Variants in WDTC1 observed in about 807,000 individuals in gnomAD.
WDTC1 encodes WD and tetratricopeptide repeats 1.
In WDTC1, 12 loss-of-function variants were observed where a neutral mutation model predicts 76.0. The observed-to-expected ratio is 0.16, with a 90% CI of 0.10 to 0.26. The LOEUF (loss-of-function observed/expected upper bound fraction) is 0.26. Ranked by LOEUF, WDTC1 falls within the 10% of genes least tolerant of loss-of-function variation. WDTC1 has a pLI of 1.00. For synonymous variants in WDTC1, 326 were observed against 350.8 expected (o/e 0.93, Z 0.79); for missense variants, 511 against 908.8 (o/e 0.56, Z 5.63).
chr1:27,298,547 T>C (rs924807901), intron 12 of WDTC1, among the ~76,000 whole-genome samples: 2 of 152,176 alleles, frequency 1.3e-5, no homozygotes, highest in Admixed American at 6.5e-5. Flanking sequence ...CTTGCCCCTC[T>C]AAGGCTTGCT....
intron 1 of WDTC1, among the ~76,000 whole-genome samples, chr1:27,259,502 C>T (rs932856662): frequency 2.0e-5 from 3 of 151,586 alleles, no homozygotes; most frequent in Non-Finnish European, 4.4e-5. Flanking sequence ...AATTGTTTTC[C>T]TTCTTTAGAG....
intron 1 of WDTC1, among the ~76,000 whole-genome samples, chr1:27,241,334 T>C (rs1468661665): frequency 6.6e-6 from 1 of 152,118 alleles, no homozygotes; most frequent in Admixed American, 6.6e-5. Flanking sequence ...ATCAGGACTT[T>C]TGTACAATTT....
intron 6 of WDTC1, among the ~76,000 whole-genome samples, chr1:27,288,878 A>T (rs2013425672): frequency 6.6e-6 from 1 of 152,016 alleles, no homozygotes; most frequent in African/African-American, 2.4e-5. Flanking sequence ...CACCTCCCAG[A>T]CGGGGTGGTG....
At chr1:27,276,620 G>A (rs2013034744) in intron 3 of WDTC1, among the ~76,000 whole-genome samples, 1 of 151,772 alleles carries the variant, frequency 6.6e-6, no homozygotes, top group South Asian at 2.1e-4. Flanking sequence ...TTGAACCCAG[G>A]AGGAGGAGAT....
At chr1:27,302,340 T>C (rs933008890) in intron 13 of WDTC1, among the ~76,000 whole-genome samples, 1 of 151,768 alleles carries the variant, frequency 6.6e-6, no homozygotes, top group Middle Eastern at 3.4e-3. Context: ...ATGGTGTGCA[T>C]GCTGGGAGGG....
chr1:27,250,023 C>T (rs961512225), intron 1 of WDTC1, among the ~76,000 whole-genome samples: 2 of 152,098 alleles, frequency 1.3e-5, no homozygotes, highest in Non-Finnish European at 2.9e-5. Flanking sequence ...ATGAAATACC[C>T]CTTGTCAGCT....
At chr1:27,282,321 G>T in intron 4 of WDTC1, 36 bp downstream of exon 4, 1 of 1,609,912 alleles carries the variant, frequency 6.2e-7, no homozygotes, top group South Asian at 1.1e-5. Flanking sequence ...GGGTGCTGGG[G>T]AAGGAAGTAA....
At chr1:27,287,199 T>TTC (rs1235050619) in intron 5 of WDTC1, among the ~76,000 whole-genome samples, 8 of 151,826 alleles carry the variant, frequency 5.3e-5, no homozygotes, top group Non-Finnish European at 1.5e-5. Flanking sequence ...ACACACCCAT[T>TTC]CCCTTAAACA....
chr1:27,272,103 G>GT (rs1264693437), intron 3 of WDTC1, among the ~76,000 whole-genome samples: 1 of 151,414 alleles, frequency 6.6e-6, no homozygotes, highest in Non-Finnish European at 1.5e-5. Flanking sequence ...AAAATTAGCC[G>GT]TGCGAGGTGG....
At chr1:27,292,194 T>A in intron 6 of WDTC1, 21 bp from the exon 7 acceptor site, 2 of 1,522,216 alleles carry the variant, frequency 1.3e-6, no homozygotes, top group Non-Finnish European at 1.8e-6. Context: ...CCCAATTCCC[T>A]AACTCTGTCC....
chr1:27,281,030 G>C (rs967522693), intron 3 of WDTC1, among the ~76,000 whole-genome samples: 5 of 151,086 alleles, frequency 3.3e-5, no homozygotes, highest in African/African-American at 1.2e-4. Context: ...CCAAGATAAA[G>C]ACTCTGACCT....
chr1:27,272,128 C>A (rs1364493171), intron 3 of WDTC1, among the ~76,000 whole-genome samples: 1 of 151,778 alleles, frequency 6.6e-6, no homozygotes, highest in Non-Finnish European at 1.5e-5. Flanking sequence ...CGCCTGTAAT[C>A]CCAGCTGCTC....
chr1:27,303,662 CGCA>C lies in WDTC1; in HGVS notation c.1514_1516del (p.Ser505del). 1 of 1,610,734 alleles carries C rather than the reference CGCA, an allele frequency of 6.2e-7. No individual in the cohort carries two copies. The highest frequency in any genetic ancestry group is 8.5e-7 in the Non-Finnish European group (1 of 1,178,762). On this transcript the variant is annotated inframe_deletion, in exon 14 of 16. Transcript: ENST00000319394. This position sits in a 1 kb window ranked among gnomAD's most constrained non-coding sequence, Gnocchi z 4.8. ...TGGTGGCGGCGCCCCAGTCCGCCTC[CGCA>C]GCACGAGCCGCAAGGACTCCATCTC...
At chr1:27,241,178 A>G (rs757628009) in intron 1 of WDTC1, among the ~76,000 whole-genome samples, 13 of 152,110 alleles carry the variant, frequency 8.5e-5, no homozygotes, top group Non-Finnish European at 1.8e-4. Flanking sequence ...GAGCTGTAAC[A>G]GAGCTCAGTG....
At chr1:27,272,951 A>G (rs2012912536) in intron 3 of WDTC1, among the ~76,000 whole-genome samples, 1 of 152,140 alleles carries the variant, frequency 6.6e-6, no homozygotes, top group African/African-American at 2.4e-5. Flanking sequence ...GTATTTATCT[A>G]TTATTTCCAG....
intron 1 of WDTC1, among the ~76,000 whole-genome samples, chr1:27,240,438 G>A (rs2011593711): frequency 1.3e-5 from 2 of 152,104 alleles, no homozygotes; most frequent in Admixed American, 6.6e-5. Context: ...GCTTATTGTA[G>A]TACCTACTTT....
At chr1:27,283,223 A>G (rs1032569909) in intron 4 of WDTC1, 115 bp from the exon 5 acceptor site, 2 of 829,028 alleles carry the variant, frequency 2.4e-6, no homozygotes, top group African/African-American at 3.4e-5. Flanking sequence ...AAATTCTGTG[A>G]CATTTACTGT....
chr1:27,250,534 GGAAATT>G (rs1475540075), intron 1 of WDTC1, among the ~76,000 whole-genome samples: 1 of 152,134 alleles, frequency 6.6e-6, no homozygotes, highest in Non-Finnish European at 1.5e-5. Flanking sequence ...TTACAAATGA[GGAAATT>G]GAAACTCAGA....
At chr1:27,243,880 C>T (rs956938830) in intron 1 of WDTC1, among the ~76,000 whole-genome samples, 2 of 151,378 alleles carry the variant, frequency 1.3e-5, no homozygotes, top group East Asian at 3.9e-4. Context: ...AATCCCAACA[C>T]TTTGGGAGGC....
Sources: allele counts gnomAD v4.1 joint callset (sites outside exome capture counted in the v4.1 genomes callset), GRCh38; gene constraint gnomAD v4.1.1; non-coding constraint Gnocchi (gnomAD v3.1); transcripts MANE v1.5; gene names NCBI Gene and HGNC (gene_info 2026-07-23, HGNC 2026-07-21).